Variants in ROBO2 observed in about 807,000 individuals in gnomAD.
ROBO2 encodes roundabout guidance receptor 2, also known as roundabout homolog 2.
ROBO2 carries 53 observed loss-of-function variants against 160.8 expected under a neutral mutation model. That is an observed-to-expected ratio of 0.33 (90% CI 0.26 to 0.41). The LOEUF is 0.41. ROBO2 is among the 10% of genes least tolerant of loss of function. ROBO2 has a pLI of 1.00. For missense variants in ROBO2, 1,577 were observed against 1,722.4 expected (o/e 0.92, Z 1.49); for synonymous variants, 664 against 611.7 (o/e 1.09, Z -1.26).
At chr3:77,133,726 T>C (rs2150369169) in intron 2 of ROBO2, among the ~76,000 whole-genome samples, 1 of 152,288 alleles carries the variant, frequency 6.6e-6, no homozygotes, top group South Asian at 2.1e-4. Flanking sequence ...TATTTAGTAG[T>C]ACATAGGGAT....
chr3:76,678,218 G>T (rs758676970), intron 2 of ROBO2, among the ~76,000 whole-genome samples: 2 of 151,892 alleles, frequency 1.3e-5, no homozygotes, highest in Non-Finnish European at 2.9e-5. Context: ...TGATCTGACC[G>T]CCTCGACTTC....
At chr3:77,059,841 C>G (rs1237861141) in intron 1 of ROBO2, among the ~76,000 whole-genome samples, 1 of 152,024 alleles carries the variant, frequency 6.6e-6, no homozygotes, top group South Asian at 2.1e-4. Context: ...TATTTTTGCT[C>G]ATCTCATTTT....
intron 2 of ROBO2, among the ~76,000 whole-genome samples, chr3:76,976,441 C>T (rs1402940274): frequency 2.0e-5 from 3 of 152,034 alleles, no homozygotes; most frequent in Non-Finnish European, 4.4e-5. Flanking sequence ...TTTTACAAAC[C>T]GTATTTGAAT....
intron 2 of ROBO2, among the ~76,000 whole-genome samples, chr3:76,470,050 A>G (rs2078575248): frequency 6.6e-6 from 1 of 152,182 alleles, no homozygotes; most frequent in Admixed American, 6.6e-5. Context: ...ATATCAAGGC[A>G]TCAGGTCCTG....
At chr3:77,453,748 C>A (rs2081341726) in intron 2 of ROBO2, among the ~76,000 whole-genome samples, 1 of 152,064 alleles carries the variant, frequency 6.6e-6, no homozygotes. Context: ...AGAAACTCTA[C>A]CTTATTACTG....
chr3:77,197,646 G>GA (rs977172262), intron 2 of ROBO2, among the ~76,000 whole-genome samples: 1 of 152,152 alleles, frequency 6.6e-6, no homozygotes, highest in African/African-American at 2.4e-5. Flanking sequence ...AGGAAGCTGA[G>GA]AAAAAATCAA....
chr3:76,068,993 T>C (rs1293931231), intron 2 of ROBO2, among the ~76,000 whole-genome samples: 2 of 152,056 alleles, frequency 1.3e-5, no homozygotes, highest in African/African-American at 4.8e-5. Context: ...GATTTCTCAA[T>C]TACAGCACAG....
intron 2 of ROBO2, among the ~76,000 whole-genome samples, chr3:76,924,930 C>G (rs9813867): frequency 6.6e-6 from 1 of 151,912 alleles, no homozygotes; most frequent in Non-Finnish European, 1.5e-5. Flanking sequence ...GGTTTGCGGC[C>G]GGGCGCGGTG....
intron 2 of ROBO2, among the ~76,000 whole-genome samples, chr3:76,415,995 G>A (rs1387735598): frequency 6.6e-6 from 1 of 152,034 alleles, no homozygotes; most frequent in Non-Finnish European, 1.5e-5. Flanking sequence ...CAAAGTGTAG[G>A]AAACCCACAC....
intron 5 of ROBO2, among the ~76,000 whole-genome samples, chr3:77,500,319 C>G (rs2087403064): frequency 6.6e-6 from 1 of 152,100 alleles, no homozygotes; most frequent in Non-Finnish European, 1.5e-5. Flanking sequence ...GAAGCTTAAA[C>G]AAGTTAGGTT....
intron 2 of ROBO2, among the ~76,000 whole-genome samples, chr3:76,810,040 G>T (rs1189116230): frequency 1.3e-5 from 2 of 152,034 alleles, no homozygotes; most frequent in African/African-American, 4.8e-5. Context: ...TGACTGGAAA[G>T]ATTTAGAGTT....
rs2088447278 is a variant in ROBO2 at position 76,614,873 on chromosome 3, G to A, written c.110-483141G>A. Reference sequence around the variant, plus strand: ...TAAATAATTTGAAACAAATCGGGGTGACATAGGAACTATCATACTTCACTT... The same window carrying A: ...TAAATAATTTGAAACAAATCGGGGTAACATAGGAACTATCATACTTCACTT... On this transcript the variant is annotated intron_variant, in intron 2 of 26. Coordinates refer to the ROBO2 transcript ENST00000487694. Among the ~76,000 whole-genome samples, 3 of 152,156 alleles carry A rather than the reference G, an allele frequency of 2.0e-5. No individual in the cohort carries two copies. The South Asian group carries it at 6.2e-4, about 32-fold the overall frequency.
chr3:76,295,797 G>A (rs1346956100), intron 2 of ROBO2, among the ~76,000 whole-genome samples: 1 of 152,074 alleles, frequency 6.6e-6, no homozygotes, highest in Non-Finnish European at 1.5e-5. Flanking sequence ...TAACGTCCCT[G>A]AGCCTATTAC....
intron 2 of ROBO2, among the ~76,000 whole-genome samples, chr3:76,584,625 TG>T (rs1474772674): frequency 6.6e-6 from 1 of 152,138 alleles, no homozygotes; most frequent in Non-Finnish European, 1.5e-5. Flanking sequence ...GCTGACATCT[TG>T]ATCTGGAACT....
At chr3:77,013,403 G>T (rs2149473831) in intron 2 of ROBO2, among the ~76,000 whole-genome samples, 1 of 151,762 alleles carries the variant, frequency 6.6e-6, no homozygotes, top group East Asian at 1.9e-4. Flanking sequence ...TGGTTGTGAG[G>T]CAAAAAAGAA....
chr3:77,004,364 C>T (rs4856000), intron 2 of ROBO2, among the ~76,000 whole-genome samples: 46,649 of 151,956 alleles, frequency 0.31, 7,649 homozygotes, highest in East Asian at 0.65. Flanking sequence ...CAATGGCTTC[C>T]GCTTTTAGTT....
intron 2 of ROBO2, among the ~76,000 whole-genome samples, chr3:77,468,521 T>G (rs1264759890): frequency 6.6e-6 from 1 of 152,194 alleles, no homozygotes; most frequent in Non-Finnish European, 1.5e-5. Context: ...TGGAAAACAT[T>G]AAGGAAGACT....
intron 2 of ROBO2, among the ~76,000 whole-genome samples, chr3:76,488,307 C>T (rs780133687): frequency 5.9e-5 from 9 of 152,238 alleles, no homozygotes; most frequent in East Asian, 1.9e-4. Flanking sequence ...CTTTCTTCCA[C>T]GCCCATTAAG....
At chr3:77,219,482 A>AATC (rs2085472680) in intron 2 of ROBO2, among the ~76,000 whole-genome samples, 1 of 124,600 alleles carries the variant, frequency 8.0e-6, no homozygotes, top group Non-Finnish European at 1.7e-5. Context: ...ATATATATAT[A>AATC]TAATCTGTAT....
Sources: gnomAD v4.1 joint callset for allele counts (sites outside exome capture counted in the v4.1 genomes callset) on GRCh38, gnomAD v4.1.1 for gene constraint, MANE v1.5 for transcripts, NCBI Gene and HGNC (gene_info 2026-07-23, HGNC 2026-07-21) for gene names.